DLGAP4: variants seen among roughly 807,000 people sequenced by gnomAD.
DLGAP4 encodes the protein disks large-associated protein 4.
DLGAP4 carries 18 observed loss-of-function variants against 86.9 expected under a neutral mutation model. The observed-to-expected ratio is 0.21, with a 90% CI of 0.14 to 0.31. The LOEUF (loss-of-function observed/expected upper bound fraction) is 0.31, where lower values mean the gene tolerates loss of function less well. Among genes scored for constraint, DLGAP4 ranks in the 10% least tolerant of loss-of-function variants. The pLI is 1.00. For missense variants in DLGAP4, 1,085 were observed against 1,362.6 expected (o/e 0.80, Z 3.21); for synonymous variants, 548 against 574.3 (o/e 0.95, Z 0.65).
intron 2 of DLGAP4, among the ~76,000 whole-genome samples, chr20:36,396,445 C>CACCACAG (rs2031979307): frequency 1.6e-5 from 2 of 128,310 alleles, no homozygotes; most frequent in African/African-American, 7.0e-5. Flanking sequence ...CACCCACACA[C>CACCACAG]ACACATCACA....
chr20:36,321,292 G>A (rs1372627402), intron 1 of DLGAP4, among the ~76,000 whole-genome samples: 1 of 152,270 alleles, frequency 6.6e-6, no homozygotes, highest in Non-Finnish European at 1.5e-5. Flanking sequence ...GGAAGACCTG[G>A]CTGCACATGG....
intron 2 of DLGAP4, among the ~76,000 whole-genome samples, chr20:36,407,633 C>T (rs1393343314): frequency 1.3e-5 from 2 of 151,968 alleles, no homozygotes; most frequent in East Asian, 3.9e-4. Context: ...GGAGAACATT[C>T]CAGGCAGAAG....
intron 7 of DLGAP4, among the ~76,000 whole-genome samples, chr20:36,478,662 G>A (rs1300061401): frequency 6.6e-6 from 1 of 152,190 alleles, no homozygotes; most frequent in Non-Finnish European, 1.5e-5. Flanking sequence ...TTGTAGGAAT[G>A]TATGTGTCAG....
At chr20:36,452,517 CTTTTT>C (rs35771997) in intron 7 of DLGAP4, among the ~76,000 whole-genome samples, 1 of 132,086 alleles carries the variant, frequency 7.6e-6, no homozygotes, top group African/African-American at 2.8e-5. Context: ...TCTTGTAAAT[CTTTTT>C]TTTTTTTTTT....
intron 7 of DLGAP4, among the ~76,000 whole-genome samples, chr20:36,495,816 G>A (rs1422205807): frequency 6.6e-6 from 1 of 152,188 alleles, no homozygotes; most frequent in Non-Finnish European, 1.5e-5. Context: ...GGCAAGATAG[G>A]GAAAGGGGTT....
At chr20:36,341,372 A>G (rs2065378123) in intron 1 of DLGAP4, among the ~76,000 whole-genome samples, 2 of 152,146 alleles carry the variant, frequency 1.3e-5, no homozygotes, top group African/African-American at 4.8e-5. Flanking sequence ...CCCCTTGCCA[A>G]GAGCTCAGCG....
rs914641660 is a variant in DLGAP4, at chr20:36,351,119, G to A, written c.-303-15926G>A. Among the ~76,000 whole-genome samples the A allele has an allele frequency of 4.6e-5, 7 of 152,214 alleles. No homozygotes were observed. In the East Asian group the frequency reaches 1.3e-3, roughly 29 times the overall value. ...AGAGAGGCTGCTCCAGGAGTGGTTG[G>A]GGGCCCCCCTGCCTGGCACAGAGGA... On this transcript the variant is annotated intron_variant, in intron 1 of 12. Transcript: ENST00000339266.
intron 7 of DLGAP4, among the ~76,000 whole-genome samples, chr20:36,479,682 A>C (rs1056582238): frequency 2.0e-5 from 3 of 152,060 alleles, no homozygotes; most frequent in African/African-American, 7.2e-5. Context: ...TGTTGGCATG[A>C]AGGGGGTGAT....
intron 7 of DLGAP4, among the ~76,000 whole-genome samples, chr20:36,452,963 T>G (rs2033779081): frequency 6.6e-6 from 1 of 150,810 alleles, no homozygotes; most frequent in South Asian, 2.1e-4. Context: ...CTCCCAAGTA[T>G]CTGGGACTGC....
intron 7 of DLGAP4, among the ~76,000 whole-genome samples, chr20:36,455,145 C>T (rs996045328): frequency 6.6e-6 from 1 of 151,988 alleles, no homozygotes; most frequent in Non-Finnish European, 1.5e-5. Context: ...AGCCTCCCTC[C>T]TCCTCCCTCC....
At chr20:36,525,710 C>T in intron 11 of DLGAP4, 141 bp from the exon 12 acceptor site, 1 of 1,125,408 alleles carries the variant, frequency 8.9e-7, no homozygotes, top group Non-Finnish European at 1.3e-6. Flanking sequence ...TTCATTCATA[C>T]AGATACTTAC....
intron 10 of DLGAP4, among the ~76,000 whole-genome samples, chr20:36,519,445 T>C (rs1226437996): frequency 6.6e-6 from 1 of 152,218 alleles, no homozygotes; most frequent in Non-Finnish European, 1.5e-5. Context: ...TGCGTGTGCG[T>C]GCGTGCATGT....
chr20:36,481,454 T>C (rs553866116), intron 7 of DLGAP4, among the ~76,000 whole-genome samples: 1 of 152,192 alleles, frequency 6.6e-6, no homozygotes, highest in Non-Finnish European at 1.5e-5. Flanking sequence ...AGCACAACTT[T>C]TGGTGCATAT....
chr20:36,317,260 TTTCTTTCTTTC>T (rs2065112819), intron 1 of DLGAP4, among the ~76,000 whole-genome samples: 1 of 56,090 alleles, frequency 1.8e-5, no homozygotes, highest in Non-Finnish European at 3.1e-5. Context: ...TCTTTCTTTC[TTTCTTTCTTTC>T]TTTCTTATCT....
intron 1 of DLGAP4, among the ~76,000 whole-genome samples, chr20:36,361,666 G>A (rs2030525327): frequency 6.6e-6 from 1 of 152,070 alleles, no homozygotes; most frequent in South Asian, 2.1e-4. Context: ...GGATGTATAG[G>A]AGGTTTTTTA....
rs112243895 is a variant in DLGAP4, at chr20:36,393,056, G to A, written c.-73+25781G>A. Among the ~76,000 whole-genome samples, 11 of 152,186 alleles carry A rather than the reference G, an allele frequency of 7.2e-5. No homozygotes were observed. In the South Asian group the frequency reaches 1.5e-3, roughly 20 times the overall value. ...GGACTGGGAAAGGGAGGCTGGGGGC[G>A]GGGGAATGGGTGGGGTAGGAATGTT... On this transcript the variant is annotated intron_variant, in intron 2 of 12. Transcript: ENST00000339266. The surrounding 1 kb of genome is among the most constrained non-coding windows in gnomAD (Gnocchi z 4.4).
Position 36,431,590 on chromosome 20 carries a change from AC to A in DLGAP4, c.-72-52del. The A allele has an allele frequency of 9.2e-7, 1 of 1,082,182 alleles. No individual in the cohort carries two copies. 67.0% of individuals were successfully genotyped at this position (1,082,182 alleles called of 1,614,324 possible). On this transcript the variant is annotated intron_variant, in intron 2 of 12. Coordinates refer to ENST00000339266, the MANE Select transcript of DLGAP4 (RefSeq NM_001365621.2). The surrounding 1 kb of genome is among the most constrained non-coding windows in gnomAD (Gnocchi z 5.1). ...GCGATCTGGATCTGACCTTCCCGGCACCCCTCCCCGACAATCCAGCTGACCA... is the reference window on the plus strand; with the variant it reads ...GCGATCTGGATCTGACCTTCCCGGCACCCTCCCCGACAATCCAGCTGACCA...
rs745560896 is a variant in DLGAP4 at position 36,527,126 on chromosome 20, T to TTCTGTCTAGAGACCCTG, written c.*96_*112dup. 5 of 1,347,002 alleles carry TTCTGTCTAGAGACCCTG rather than the reference T, an allele frequency of 3.7e-6. No individual in the cohort carries two copies. The highest frequency in any genetic ancestry group is 5.0e-6 in the Non-Finnish European group (5 of 1,002,058). 83.4% of individuals were successfully genotyped at this position (1,347,002 alleles called of 1,614,324 possible). ...GTTTTCTCAACCTTTGCTATGGTTA[T>TTCTGTCTAGAGACCCTG]TCTGTCTAGAGACCCTGAGCCAACT... On this transcript the variant is annotated 3_prime_UTR_variant, in exon 13 of 13. Coordinates refer to ENST00000339266, the MANE Select transcript of DLGAP4 (RefSeq NM_001365621.2).
chr20:36,421,895 G>T (rs1329052707), intron 2 of DLGAP4, among the ~76,000 whole-genome samples: 1 of 152,166 alleles, frequency 6.6e-6, no homozygotes, highest in Non-Finnish European at 1.5e-5. Flanking sequence ...TTCAGGAGTT[G>T]TCAGATAGGT....
Sources: allele counts gnomAD v4.1 joint callset (sites outside exome capture counted in the v4.1 genomes callset), GRCh38; gene constraint gnomAD v4.1.1; non-coding constraint Gnocchi (gnomAD v3.1); transcripts MANE v1.5; gene names NCBI Gene and HGNC (gene_info 2026-07-23, HGNC 2026-07-21).